Variants in CALD1 observed in about 807,000 individuals in gnomAD.
CALD1 encodes caldesmon 1.
In CALD1, 33 loss-of-function variants were observed where a neutral mutation model predicts 99.9. That is an observed-to-expected ratio of 0.33 (90% CI 0.25 to 0.44). CALD1 has a LOEUF of 0.44. Among genes scored for constraint, CALD1 ranks in the 20% least tolerant of loss-of-function variants. The pLI is 1.00. For missense variants in CALD1, 861 were observed against 962.1 expected, an observed-to-expected ratio of 0.89 and a Z score of 1.39; for synonymous variants, 310 against 325.0, an observed-to-expected ratio of 0.95 and a Z score of 0.50.
At chr7:134,824,978 C>T (rs1798931675) in intron 1 of CALD1, among the ~76,000 whole-genome samples, 1 of 152,092 alleles carries the variant, frequency 6.6e-6, no homozygotes, top group African/African-American at 2.4e-5. Context: ...AGAATACTAC[C>T]TTTCCTTCAG....
intron 3 of CALD1, among the ~76,000 whole-genome samples, chr7:134,895,298 ATG>A (rs71172482): frequency 0.27 from 37,561 of 138,388 alleles, 5,189 homozygotes; most frequent in East Asian, 0.59. Context: ...TTATATATGT[ATG>A]TGTGTGTGTG....
intron 1 of CALD1, among the ~76,000 whole-genome samples, chr7:134,753,833 C>A (rs993543010): frequency 6.6e-6 from 1 of 152,268 alleles, no homozygotes; most frequent in East Asian, 1.9e-4. Flanking sequence ...CCGGCTGATC[C>A]CTCCCTGGCC....
At position 134,968,402 on chromosome 7, in the gene CALD1, C is replaced by CT; in HGVS notation, c.*58dup. 1.3e-6 allele frequency: 2 copies of CT among 1,508,200 alleles called. No individual in the cohort carries two copies. The highest frequency in any genetic ancestry group is 9.2e-7 in the Non-Finnish European group (1 of 1,083,704). The allele number at this position is 1,508,200 out of a possible 1,614,324, so 93.4% of individuals were successfully genotyped here. A position where few individuals can be genotyped will look rare whatever the true frequency, so the allele number is the denominator to read the frequency against. ...GCAGGACGAGCTCAGTTGTAGAGGG[C>CT]TAATTCGCTCTGTTTTGTATTTATG... On this transcript the variant is annotated 3_prime_UTR_variant, in exon 15 of 15. Coordinates refer to ENST00000361675, the MANE Select transcript of CALD1 (RefSeq NM_033138.4).
chr7:134,762,580 A>G (rs959550307), intron 1 of CALD1, among the ~76,000 whole-genome samples: 1 of 152,214 alleles, frequency 6.6e-6, no homozygotes, highest in Non-Finnish European at 1.5e-5. Flanking sequence ...TGACATCTGC[A>G]TGGCTTCTGG....
intron 1 of CALD1, among the ~76,000 whole-genome samples, chr7:134,786,424 G>A (rs1447056536): frequency 6.6e-6 from 1 of 152,120 alleles, no homozygotes; most frequent in Non-Finnish European, 1.5e-5. Flanking sequence ...GTTGGGACAG[G>A]AAATTTGGGA....
chr7:134,811,598 A>G (rs1338201154), intron 1 of CALD1, among the ~76,000 whole-genome samples: 1 of 152,206 alleles, frequency 6.6e-6, no homozygotes. Context: ...TAATTAACTG[A>G]TAACTCAGGC....
At position 134,945,711 on chromosome 7, in the gene CALD1, T is replaced by C. The variant is rs188337628; in HGVS notation, c.1533-1797T>C. ...CTTAACCACATCATACCAAGCTAAT[T>C]TCATAATTTTAAGTCTGTATAAGGA... is the stretch of plus-strand genomic sequence containing the variant. On this transcript the variant is annotated intron_variant, in intron 7 of 14. Coordinates refer to ENST00000361675, the MANE Select transcript of CALD1 (RefSeq NM_033138.4). 4.7e-4 allele frequency among the ~76,000 whole-genome samples: 71 copies of C among 152,292 alleles called. 1 individual carries two copies. The Middle Eastern group carries it at 0.014, about 29-fold the overall frequency.
At chr7:134,865,535 T>C (rs1287233619) in intron 2 of CALD1, among the ~76,000 whole-genome samples, 2 of 152,198 alleles carry the variant, frequency 1.3e-5, no homozygotes, top group African/African-American at 2.4e-5. Flanking sequence ...AGCATTCAAA[T>C]GGCAGGTAGT....
At chr7:134,870,059 T>A (rs1309869641) in intron 3 of CALD1, among the ~76,000 whole-genome samples, 3 of 152,202 alleles carry the variant, frequency 2.0e-5, no homozygotes, top group Admixed American at 2.0e-4. Flanking sequence ...GTCTACAAAA[T>A]ATCTTCATCC....
chr7:134,876,885 G>C (rs988986131), intron 3 of CALD1, among the ~76,000 whole-genome samples: 1 of 152,150 alleles, frequency 6.6e-6, no homozygotes, highest in Non-Finnish European at 1.5e-5. Flanking sequence ...TCTTTGGGGA[G>C]GATGGGACAG....
At chr7:134,884,008 A>G (rs1201344759) in intron 3 of CALD1, among the ~76,000 whole-genome samples, 1 of 152,190 alleles carries the variant, frequency 6.6e-6, no homozygotes, top group Non-Finnish European at 1.5e-5. Context: ...AGGCTGAGGC[A>G]GGAGAATTGC....
upstream of CALD1, among the ~76,000 whole-genome samples, chr7:134,740,414 T>C (rs1410376229): frequency 6.6e-6 from 1 of 152,164 alleles, no homozygotes. Flanking sequence ...ATGCAAAGTC[T>C]TATTTTTAGG....
chr7:134,937,814 C>A (rs1806108939), intron 6 of CALD1, among the ~76,000 whole-genome samples: 1 of 152,194 alleles, frequency 6.6e-6, no homozygotes, highest in Non-Finnish European at 1.5e-5. Context: ...TAAAACCTTT[C>A]TCCACTGCAG....
At chr7:134,779,345 G>A (rs1338800011), upstream of CALD1, 2 of 249,742 alleles carry the variant, frequency 8.0e-6, no homozygotes. Context: ...AACCAAAAAA[G>A]GGCATGGAGC....
intron 3 of CALD1, among the ~76,000 whole-genome samples, chr7:134,917,897 A>G (rs1804331506): frequency 6.6e-6 from 1 of 152,324 alleles, no homozygotes; most frequent in Non-Finnish European, 1.5e-5. Flanking sequence ...CTAAAGTTTA[A>G]TTCAAGTAAC....
rs199930696 is a variant in CALD1, at chr7:134,960,640, T to C, written c.2295+12T>C. 4 of 1,550,982 alleles carry C rather than the reference T, an allele frequency of 2.6e-6. No individual in the cohort carries two copies. The highest frequency in any genetic ancestry group is 1.4e-5 in the African/African-American group (1 of 73,776). ...CTCCCAAACCTTCTGTAAGTACCTTTAGGTTTTTCTGAGTTTCTTTGATCT... is the reference window on the plus strand; with the variant it reads ...CTCCCAAACCTTCTGTAAGTACCTTCAGGTTTTTCTGAGTTTCTTTGATCT... On this transcript the variant is annotated intron_variant, in intron 13 of 14. Transcript: ENST00000361675.
chr7:134,780,602 G>T (rs925786585), intron 1 of CALD1, among the ~76,000 whole-genome samples: 3 of 152,106 alleles, frequency 2.0e-5, no homozygotes, highest in Non-Finnish European at 2.9e-5. Context: ...GACATATTTG[G>T]GTGTCTGAAA....
intron 1 of CALD1, among the ~76,000 whole-genome samples, chr7:134,785,023 T>C (rs1450123368): frequency 1.3e-5 from 2 of 152,180 alleles, no homozygotes; most frequent in Non-Finnish European, 2.9e-5. Flanking sequence ...GATGAATTAC[T>C]CTAATCCAGG....
At chr7:134,892,794 G>T (rs933856511) in intron 3 of CALD1, among the ~76,000 whole-genome samples, 2 of 152,156 alleles carry the variant, frequency 1.3e-5, no homozygotes, top group African/African-American at 2.4e-5. Context: ...TAAAGAAAAG[G>T]TTTGGGATCT....
Sources: allele counts gnomAD v4.1 joint callset (sites outside exome capture counted in the v4.1 genomes callset), GRCh38; gene constraint gnomAD v4.1.1; transcripts MANE v1.5; gene names NCBI Gene and HGNC (gene_info 2026-07-23, HGNC 2026-07-21).